RYR2: variants seen among roughly 807,000 people sequenced by gnomAD.
RYR2 encodes the protein ryanodine receptor 2.
Under a neutral mutation model 601.1 loss-of-function variants are expected in RYR2, and 227 were observed. The observed-to-expected ratio is 0.38, with a 90% confidence interval of 0.34 to 0.42. The LOEUF (loss-of-function observed/expected upper bound fraction) is 0.42, where lower values mean the gene tolerates loss of function less well. Ranked by LOEUF, RYR2 falls within the 10% of genes least tolerant of loss-of-function variation. The probability of loss-of-function intolerance (pLI) is 1.00; values close to 1 mark genes in which losing one functional copy is unlikely to be tolerated. For missense variants in RYR2, 4,646 were observed against 6,156.5 expected, an observed-to-expected ratio of 0.75 and a Z score of 8.21; for synonymous variants, 2,223 against 2,175.1, an observed-to-expected ratio of 1.02 and a Z score of -0.61.
chr1:237,772,602 A>T (rs1235109591), intron 86 of RYR2, among the ~76,000 whole-genome samples: 1 of 152,206 alleles, frequency 6.6e-6, no homozygotes, highest in East Asian at 1.9e-4. Context: ...GAGAACGTTA[A>T]TCAAACTGAA....
intron 3 of RYR2, among the ~76,000 whole-genome samples, chr1:237,339,611 A>G (rs1335169766): frequency 3.3e-5 from 5 of 152,124 alleles, no homozygotes; most frequent in Admixed American, 1.3e-4. Flanking sequence ...ACCTAATTAT[A>G]TATGGTTTTT....
intron 24 of RYR2, 44 bp downstream of exon 24, chr1:237,511,835 A>G (rs1258243802): frequency 6.4e-6 from 2 of 311,154 alleles, no homozygotes; most frequent in Non-Finnish European, 8.8e-6. Context: ...GCCTTCCCTG[A>G]AAAAAAAAAA....
At chr1:237,767,906 T>C (rs1693965151) in intron 84 of RYR2, among the ~76,000 whole-genome samples, 1 of 152,128 alleles carries the variant, frequency 6.6e-6, no homozygotes, top group Non-Finnish European at 1.5e-5. Context: ...GTCAACTGTA[T>C]AGATTATAGG....
intron 15 of RYR2, among the ~76,000 whole-genome samples, chr1:237,456,204 TG>T (rs1213359853): frequency 3.9e-5 from 6 of 152,206 alleles, no homozygotes; most frequent in African/African-American, 1.4e-4. Context: ...ACAGCATTTT[TG>T]ATTTGCTTTA....
At chr1:237,808,032 A>G (rs1329242156) in intron 99 of RYR2, among the ~76,000 whole-genome samples, 1 of 152,216 alleles carries the variant, frequency 6.6e-6, no homozygotes, top group Non-Finnish European at 1.5e-5. Context: ...CAAAAATTAA[A>G]GTATAATTTG....
intron 1 of RYR2, among the ~76,000 whole-genome samples, chr1:237,168,671 A>T (rs1394634729): frequency 6.6e-6 from 1 of 150,474 alleles, no homozygotes; most frequent in Non-Finnish European, 1.5e-5. Flanking sequence ...AGGAATTTAG[A>T]ATGTTTAGAT....
At chr1:237,190,239 G>A (rs540174133) in intron 1 of RYR2, among the ~76,000 whole-genome samples, 25 of 152,162 alleles carry the variant, frequency 1.6e-4, no homozygotes, top group South Asian at 8.3e-4. Flanking sequence ...CCAACAGTGC[G>A]TAGTGTTCTG....
chr1:237,221,648 T>G (rs1683811187), intron 1 of RYR2, among the ~76,000 whole-genome samples: 2 of 152,240 alleles, frequency 1.3e-5, no homozygotes, highest in Admixed American at 6.5e-5. Flanking sequence ...ATTTCCTTTA[T>G]TAGCTAAATT....
At chr1:237,528,108 C>G (rs959801472) in intron 24 of RYR2, among the ~76,000 whole-genome samples, 1 of 152,074 alleles carries the variant, frequency 6.6e-6, no homozygotes, top group African/African-American at 2.4e-5. Context: ...ATTAAAGATG[C>G]TGGCAATTTG....
chr1:237,595,851 T>G (rs1675838575), intron 34 of RYR2, among the ~76,000 whole-genome samples, 194 bp downstream of exon 34: 1 of 152,118 alleles, frequency 6.6e-6, no homozygotes, highest in Admixed American at 6.5e-5. Context: ...TCCTGTGACC[T>G]GAGAAACAGG....
At chr1:237,547,186 A>G (rs1669917374) in intron 25 of RYR2, among the ~76,000 whole-genome samples, 1 of 151,344 alleles carries the variant, frequency 6.6e-6, no homozygotes, top group Non-Finnish European at 1.5e-5. Context: ...TTGTATTTTT[A>G]ATAGAGACTG....
chr1:237,390,924 A>G (rs555551832), intron 10 of RYR2, among the ~76,000 whole-genome samples: 3 of 152,286 alleles, frequency 2.0e-5, no homozygotes, highest in South Asian at 4.1e-4. Context: ...GCATATTTAC[A>G]TGGGTGAAAT....
At chr1:237,081,297 A>G (rs180701948) in intron 1 of RYR2, among the ~76,000 whole-genome samples, 323 of 149,616 alleles carry the variant, frequency 2.2e-3, no homozygotes, top group African/African-American at 7.6e-3. Flanking sequence ...AAAAAAAAAA[A>G]AAAAAAGAAA....
chr1:237,284,167 A>C (rs1269740285), intron 2 of RYR2, among the ~76,000 whole-genome samples: 2 of 151,866 alleles, frequency 1.3e-5, no homozygotes, highest in Non-Finnish European at 2.9e-5. Flanking sequence ...TGGATCACCT[A>C]AGGTAGGGAG....
intron 14 of RYR2, among the ~76,000 whole-genome samples, chr1:237,450,283 T>A (rs1396831004): frequency 6.6e-6 from 1 of 152,114 alleles, no homozygotes; most frequent in Non-Finnish European, 1.5e-5. Flanking sequence ...CCTCTCTGTG[T>A]CCTGTGAATT....
intron 44 of RYR2, among the ~76,000 whole-genome samples, chr1:237,637,846 C>T (rs941214576): frequency 7.8e-4 from 119 of 152,216 alleles, no homozygotes; most frequent in African/African-American, 2.8e-3. Flanking sequence ...AATCCTGCAG[C>T]TCTTGGCCCA....
intron 54 of RYR2, 68 bp downstream of exon 54, chr1:237,658,090 G>T: frequency 1.1e-6 from 1 of 870,902 alleles, no homozygotes; most frequent in South Asian, 2.5e-5. Flanking sequence ...AAATATTTCT[G>T]ACCATGACAG....
intron 94 of RYR2, among the ~76,000 whole-genome samples, chr1:237,793,661 T>A (rs1658729832): frequency 1.3e-5 from 2 of 152,226 alleles, no homozygotes. Context: ...TGCATATATG[T>A]AATATCTATT....
intron 14 of RYR2, among the ~76,000 whole-genome samples, chr1:237,448,523 T>G (rs1349203300): frequency 6.6e-6 from 1 of 152,196 alleles, no homozygotes; most frequent in Non-Finnish European, 1.5e-5. Flanking sequence ...ATTTAGATCT[T>G]TAATTTCCTT....
Sources: allele counts gnomAD v4.1 joint callset (sites outside exome capture counted in the v4.1 genomes callset), GRCh38; gene constraint gnomAD v4.1.1; transcripts MANE v1.5; gene names NCBI Gene and HGNC (gene_info 2026-07-23, HGNC 2026-07-21).